Variants in AGTPBP1 observed in about 807,000 individuals in gnomAD.
AGTPBP1 encodes the protein ATP/GTP binding carboxypeptidase 1.
AGTPBP1 carries 70 observed loss-of-function variants against 143.9 expected under a neutral mutation model. The observed-to-expected ratio is 0.49, with a 90% CI of 0.40 to 0.59. The LOEUF (loss-of-function observed/expected upper bound fraction) is 0.59, where lower values mean the gene tolerates loss of function less well. Ranked by LOEUF, AGTPBP1 falls within the 20% of genes least tolerant of loss-of-function variation. The pLI, the probability that AGTPBP1 is intolerant of heterozygous loss-of-function variation, is 0.00. For synonymous variants in AGTPBP1, 463 were observed against 500.2 expected, an observed-to-expected ratio of 0.93 and a Z score of 0.99; for missense variants, 1,229 against 1,464.5, an observed-to-expected ratio of 0.84 and a Z score of 2.62.
the AGTPBP1 span, among the ~76,000 whole-genome samples, chr9:85,796,790 A>G: frequency 1.1e-4 from 16 of 152,120 alleles, no homozygotes; most frequent in Non-Finnish European, 2.2e-4. Flanking sequence ...AAAAATTAAT[A>G]TTATTATTAT....
intron 2 of AGTPBP1, among the ~76,000 whole-genome samples, chr9:85,700,443 A>G (rs902915699): frequency 3.9e-5 from 6 of 152,182 alleles, no homozygotes; most frequent in Non-Finnish European, 7.3e-5. Context: ...GAAATGACAA[A>G]TATCACTTCA....
intron 2 of AGTPBP1, among the ~76,000 whole-genome samples, chr9:85,706,855 G>A (rs867689536): frequency 5.9e-5 from 9 of 152,082 alleles, no homozygotes; most frequent in African/African-American, 1.4e-4. Context: ...CAGCCTGGAC[G>A]ACAGAGCAAG....
At chr9:85,600,608 T>A (rs577775516) in intron 17 of AGTPBP1, among the ~76,000 whole-genome samples, 1 of 152,062 alleles carries the variant, frequency 6.6e-6, no homozygotes, top group East Asian at 1.9e-4. Flanking sequence ...AGATTCTCAG[T>A]GGTCCACATC....
At chr9:85,779,818 C>T in the AGTPBP1 span, among the ~76,000 whole-genome samples, 1 of 152,070 alleles carries the variant, frequency 6.6e-6, no homozygotes, top group Non-Finnish European at 1.5e-5. Context: ...CATGATTGCA[C>T]CACTACACAC....
chr9:85,785,333 C>CAA, the AGTPBP1 span, among the ~76,000 whole-genome samples: 6 of 135,996 alleles, frequency 4.4e-5, no homozygotes, highest in African/African-American at 1.1e-4. Flanking sequence ...GACTCCGTCT[C>CAA]AAAAAAAAAC....
At chr9:85,647,346 A>G (rs1434193804) in intron 11 of AGTPBP1, among the ~76,000 whole-genome samples, 1 of 152,248 alleles carries the variant, frequency 6.6e-6, no homozygotes, top group East Asian at 1.9e-4. Flanking sequence ...TATGTGGCCC[A>G]TGGGCAGCAT....
At chr9:85,578,003 C>T (rs1295390828) in intron 24 of AGTPBP1, among the ~76,000 whole-genome samples, 1 of 152,104 alleles carries the variant, frequency 6.6e-6, no homozygotes, top group Non-Finnish European at 1.5e-5. Flanking sequence ...GATCCTCTTT[C>T]CCCATAACAA....
At chr9:85,606,609 T>C (rs1478319786) in intron 17 of AGTPBP1, among the ~76,000 whole-genome samples, 3 of 152,098 alleles carry the variant, frequency 2.0e-5, no homozygotes, top group Non-Finnish European at 4.4e-5. Flanking sequence ...ACCCACCCCA[T>C]GTTTATTGTA....
intron 14 of AGTPBP1, among the ~76,000 whole-genome samples, chr9:85,625,697 A>G (rs1346195521): frequency 6.6e-6 from 1 of 151,818 alleles, no homozygotes; most frequent in Non-Finnish European, 1.5e-5. Flanking sequence ...CATCCTGGCT[A>G]ACACAGTGAA....
At position 85,621,219 on chromosome 9, in the gene AGTPBP1, A is replaced by G. The variant is rs377038606; in HGVS notation, c.2082T>C (p.Tyr694=). The change falls in exon 15 of 26, where the codon TAT becomes TAC. Residue 694 remains tyrosine (Y), a synonymous_variant. Transcript: ENST00000357081. Reference sequence around the variant, plus strand: ...AGACTTACTTTGGGTTATCCAAGTCATATACCACACGATCTATGATATCAC... The same window carrying G: ...AGACTTACTTTGGGTTATCCAAGTCGTATACCACACGATCTATGATATCAC... ...HQSDIIDRVV[Y]DLDNPNYTIP... The G allele has an allele frequency of 4.4e-5, 65 of 1,470,916 alleles. No homozygotes were observed. Among genetic ancestry groups the G allele is most frequent in the Non-Finnish European group, 5.5e-5 (62 of 1,118,168 alleles). The allele number at this position is 1,470,916 out of a possible 1,614,324, so 91.1% of individuals were successfully genotyped here.
intron 1 of AGTPBP1, among the ~76,000 whole-genome samples, chr9:85,715,782 C>T (rs760700954): frequency 2.0e-5 from 3 of 152,118 alleles, no homozygotes; most frequent in Non-Finnish European, 4.4e-5. Flanking sequence ...AGTGCAGGCA[C>T]CTAGAAGCAG....
chr9:85,628,363 G>A (rs558075011), intron 14 of AGTPBP1, among the ~76,000 whole-genome samples: 38 of 152,264 alleles, frequency 2.5e-4, no homozygotes, highest in African/African-American at 8.9e-4. Flanking sequence ...CAGGAAAATG[G>A]AGCGACAAAT....
At chr9:85,731,010 T>A (rs557749003) in intron 1 of AGTPBP1, among the ~76,000 whole-genome samples, 2 of 152,294 alleles carry the variant, frequency 1.3e-5, no homozygotes, top group South Asian at 4.1e-4. Context: ...TCTCTACAAG[T>A]GTGTCTTTAC....
Position 85,678,385 on chromosome 9 carries a change from A to G in AGTPBP1, c.239T>C (p.Leu80Pro). The G allele has an allele frequency of 6.3e-7, 1 of 1,586,020 alleles. No homozygotes were observed. The change falls in exon 5 of 26, where the codon CTT becomes CCT. Residue 80 changes from leucine to proline, a missense_variant. Transcript: ENST00000357081. ...LLSTLENTKD[L>P]QTTLNILSIL... ...GCTTAAGATATTAAGTGTAGTTTGA[A>G]GATCTTTTGTGTTCTGAAATAAATA...
At chr9:85,772,477 G>A in the AGTPBP1 span, among the ~76,000 whole-genome samples, 1 of 152,222 alleles carries the variant, frequency 6.6e-6, no homozygotes, top group Non-Finnish European at 1.5e-5. Context: ...GCTGGGTGTG[G>A]TGGCTCACGC....
intron 18 of AGTPBP1, among the ~76,000 whole-genome samples, chr9:85,595,089 G>A (rs1829211291): frequency 6.6e-6 from 1 of 152,072 alleles, no homozygotes; most frequent in Non-Finnish European, 1.5e-5. Context: ...CTTTACTTCT[G>A]TTTCTCATTT....
intron 8 of AGTPBP1, among the ~76,000 whole-genome samples, chr9:85,666,414 G>A (rs1181590265): frequency 2.0e-5 from 3 of 152,062 alleles, no homozygotes; most frequent in Admixed American, 6.6e-5. Context: ...AACAGAAAGC[G>A]TTAGATGTCT....
chr9:85,736,535 CT>C (rs1014283251), intron 1 of AGTPBP1, among the ~76,000 whole-genome samples: 8 of 151,916 alleles, frequency 5.3e-5, no homozygotes, highest in Non-Finnish European at 8.8e-5. Flanking sequence ...AGCTATAATA[CT>C]TTTTTTTAAT....
chr9:85,713,842 A>AT (rs1401834196), intron 1 of AGTPBP1, among the ~76,000 whole-genome samples: 1 of 152,058 alleles, frequency 6.6e-6, no homozygotes, highest in Admixed American at 6.6e-5. Flanking sequence ...TTAAATTGTA[A>AT]TTTTTTTTAC....
Sources: gnomAD v4.1 joint callset for allele counts (sites outside exome capture counted in the v4.1 genomes callset) on GRCh38, gnomAD v4.1.1 for gene constraint, MANE v1.5 for transcripts, NCBI Gene and HGNC (gene_info 2026-07-23, HGNC 2026-07-21) for gene names.